ZNF366: variants seen among roughly 807,000 people sequenced by gnomAD.
ZNF366 encodes dendritic cell-specific transcript protein.
Under a neutral mutation model 47.2 loss-of-function variants are expected in ZNF366, and 20 were observed. The observed-to-expected ratio is 0.42, with a 90% confidence interval of 0.30 to 0.62. The LOEUF (loss-of-function observed/expected upper bound fraction) is 0.62. Among genes scored for constraint, ZNF366 ranks in the 20% least tolerant of loss-of-function variants. ZNF366 has a pLI of 0.16. For missense variants in ZNF366, 987 were observed against 976.3 expected (o/e 1.01, Z -0.15); for synonymous variants, 421 against 395.1 (o/e 1.07, Z -0.78).
intron 3 of ZNF366, among the ~76,000 whole-genome samples, chr5:72,453,025 A>C (rs1309770413): frequency 1.3e-5 from 2 of 152,200 alleles, no homozygotes; most frequent in Non-Finnish European, 2.9e-5. Flanking sequence ...TTTTATAAGG[A>C]AAAAAAGAAA....
At chr5:72,455,848 G>A (rs1384872252) in intron 3 of ZNF366, among the ~76,000 whole-genome samples, 1 of 152,148 alleles carries the variant, frequency 6.6e-6, no homozygotes, top group Non-Finnish European at 1.5e-5. Flanking sequence ...CATTTCTGAG[G>A]GCCTCTGAGG....
chr5:72,455,899 G>A (rs2112323573), intron 3 of ZNF366, among the ~76,000 whole-genome samples: 1 of 152,142 alleles, frequency 6.6e-6, no homozygotes, highest in Middle Eastern at 3.4e-3. Context: ...TAGGAGGCCT[G>A]CCCTCAAACT....
intron 1 of ZNF366, among the ~76,000 whole-genome samples, chr5:72,502,850 G>A (rs968129087): frequency 3.9e-5 from 6 of 152,148 alleles, no homozygotes; most frequent in Non-Finnish European, 5.9e-5. Context: ...TCCACCGGGC[G>A]CAGTAGCTCA....
chr5:72,448,584 A>G (rs566954297), intron 3 of ZNF366, among the ~76,000 whole-genome samples: 1 of 152,056 alleles, frequency 6.6e-6, no homozygotes, highest in South Asian at 2.1e-4. Flanking sequence ...TCCCTCCCCA[A>G]CCTCAGAGGC....
intron 1 of ZNF366, among the ~76,000 whole-genome samples, chr5:72,484,333 A>C (rs1021463532): frequency 1.3e-5 from 2 of 150,690 alleles, no homozygotes; most frequent in African/African-American, 4.9e-5. Flanking sequence ...AAATACAAAA[A>C]ATTAGCCGGG....
At chr5:72,494,574 G>T (rs1206189128) in intron 1 of ZNF366, among the ~76,000 whole-genome samples, 4 of 151,802 alleles carry the variant, frequency 2.6e-5, no homozygotes, top group Admixed American at 6.6e-5. Context: ...TACACACAGG[G>T]GAAATTCAGC....
chr5:72,485,073 T>A (rs1195667041), intron 1 of ZNF366, among the ~76,000 whole-genome samples: 3 of 152,162 alleles, frequency 2.0e-5, no homozygotes, highest in African/African-American at 7.2e-5. Flanking sequence ...AGGTACGCTG[T>A]ACATGTAAAA....
At chr5:72,475,868 C>T (rs1038413842) in intron 1 of ZNF366, among the ~76,000 whole-genome samples, 2 of 152,044 alleles carry the variant, frequency 1.3e-5, no homozygotes, top group East Asian at 1.9e-4. Flanking sequence ...AATCTGGCCT[C>T]GGGGAACACG....
At chr5:72,472,594 G>T in intron 1 of ZNF366, 1 of 982,230 alleles carries the variant, frequency 1.0e-6, no homozygotes, top group African/African-American at 1.7e-5. Context: ...AAAATGAACT[G>T]CAGTTAACCT....
intron 3 of ZNF366, among the ~76,000 whole-genome samples, chr5:72,451,100 G>A (rs1034907885): frequency 6.6e-6 from 1 of 152,266 alleles, no homozygotes; most frequent in Admixed American, 6.5e-5. Flanking sequence ...GCCCAAGCAG[G>A]ACCTGCTGAA....
At chr5:72,492,905 G>A (rs576489824) in intron 1 of ZNF366, among the ~76,000 whole-genome samples, 5 of 152,044 alleles carry the variant, frequency 3.3e-5, no homozygotes, top group African/African-American at 9.7e-5. Context: ...AATTCTTCCC[G>A]CCTGATCCCT....
At chr5:72,505,129 T>C (rs184746369) in intron 1 of ZNF366, among the ~76,000 whole-genome samples, 2 of 152,174 alleles carry the variant, frequency 1.3e-5, no homozygotes, top group African/African-American at 2.4e-5. Context: ...ATACTGTGTG[T>C]CTCAAATTCT....
intron 1 of ZNF366, among the ~76,000 whole-genome samples, chr5:72,478,060 A>C (rs78289169): frequency 0.012 from 1,862 of 152,200 alleles, 29 homozygotes; most frequent in Middle Eastern, 0.048. Context: ...CAACACTCTC[A>C]AAGTTTTGGT....
At chr5:72,486,420 G>A (rs1419526804) in intron 1 of ZNF366, among the ~76,000 whole-genome samples, 4 of 152,188 alleles carry the variant, frequency 2.6e-5, no homozygotes, top group Non-Finnish European at 5.9e-5. Context: ...TGACTGTGAG[G>A]CCCAAGGAAA....
chr5:72,473,443 A>G lies in ZNF366; in HGVS notation c.-14-11933T>C, dbSNP rs563453371. On this transcript the variant is annotated intron_variant, in intron 1 of 4. Transcript: ENST00000318442. ...GAGCAAATCAAATGTCAATTCCTCT[A>G]CCTGACTGTCAAAGTTCTCCATAAT... 3.3e-5 allele frequency among the ~76,000 whole-genome samples: 5 copies of G among 152,340 alleles called. No individual in the cohort carries two copies. In the East Asian group the frequency reaches 9.7e-4, roughly 29 times the overall value.
intron 3 of ZNF366, 124 bp downstream of exon 3, chr5:72,456,280 G>A: frequency 2.0e-6 from 2 of 1,009,572 alleles, no homozygotes; most frequent in Non-Finnish European, 2.9e-6. Context: ...ACCTGGGGTT[G>A]GCCACGGACC....
In ZNF366 at chr5:72,507,410, G is replaced by A. The variant is rs1368260422; in HGVS notation, c.-174C>T. 1.0e-6 allele frequency: 1 copy of A among 985,204 alleles called. No homozygotes were observed. The highest frequency in any genetic ancestry group is 1.7e-5 in the African/African-American group (1 of 57,194). The allele number at this position is 985,204 out of a possible 1,614,324, so 61.0% of individuals were successfully genotyped here. Reference sequence around the variant, plus strand: ...AGTGTTTCGAATGACTTAAGAAAGAGAACAGGAACAATACTTCGTTCTCTT... The same window carrying A: ...AGTGTTTCGAATGACTTAAGAAAGAAAACAGGAACAATACTTCGTTCTCTT... On this transcript the variant is annotated 5_prime_UTR_variant, in exon 1 of 5. Coordinates refer to ENST00000318442, the MANE Select transcript of ZNF366 (RefSeq NM_152625.3).
At chr5:72,448,285 T>G (rs1397692825) in intron 3 of ZNF366, among the ~76,000 whole-genome samples, 1 of 152,246 alleles carries the variant, frequency 6.6e-6, no homozygotes, top group Non-Finnish European at 1.5e-5. Flanking sequence ...TTTTATACTC[T>G]TTCTTTCTTT....
intron 1 of ZNF366, among the ~76,000 whole-genome samples, chr5:72,464,172 A>G (rs991553247): frequency 7.2e-5 from 11 of 152,190 alleles, no homozygotes; most frequent in Non-Finnish European, 1.3e-4. Flanking sequence ...TGAAAAAGAA[A>G]CATGTCAGAA....
Sources: allele counts gnomAD v4.1 joint callset (sites outside exome capture counted in the v4.1 genomes callset), GRCh38; gene constraint gnomAD v4.1.1; transcripts MANE v1.5; gene names NCBI Gene and HGNC (gene_info 2026-07-23, HGNC 2026-07-21).